The following UBASH3B variants were observed in gnomAD, a reference collection of about 807,000 sequenced individuals.
The protein encoded by UBASH3B is ubiquitin-associated and SH3 domain-containing protein B.
A neutral mutation model predicts 83.4 loss-of-function variants in UBASH3B; 37 were observed. That is an observed-to-expected ratio of 0.44 (90% CI 0.34 to 0.58). The LOEUF is 0.58. Ranked by LOEUF, UBASH3B falls within the 20% of genes least tolerant of loss-of-function variation. UBASH3B has a pLI of 0.01. For missense variants in UBASH3B, 657 were observed against 827.2 expected (o/e 0.79, Z 2.52); for synonymous variants, 304 against 318.3 (o/e 0.96, Z 0.48).
At chr11:122,675,591 A>G (rs778188551) in intron 1 of UBASH3B, among the ~76,000 whole-genome samples, 4 of 152,182 alleles carry the variant, frequency 2.6e-5, no homozygotes, top group Non-Finnish European at 2.9e-5. Context: ...GACTTTGGGT[A>G]AGACAGTTTA....
chr11:122,762,175 A>C (rs560223244), intron 1 of UBASH3B, among the ~76,000 whole-genome samples: 1 of 152,190 alleles, frequency 6.6e-6, no homozygotes, highest in East Asian at 1.9e-4. Context: ...TTCTGGAATC[A>C]CCGTGCCCCT....
intron 1 of UBASH3B, among the ~76,000 whole-genome samples, chr11:122,728,243 G>A (rs1894078): frequency 0.32 from 48,814 of 151,912 alleles, 8,999 homozygotes; most frequent in Middle Eastern, 0.48. Context: ...ATATTTAGCC[G>A]TCCACGTCAT....
At chr11:122,733,858 G>A (rs1894084) in intron 1 of UBASH3B, among the ~76,000 whole-genome samples, 53,275 of 151,960 alleles carry the variant, frequency 0.35, 9,672 homozygotes, top group East Asian at 0.53. Context: ...GCAGATTTGA[G>A]CAGTCAAAAT....
At chr11:122,809,611 G>T in intron 13 of UBASH3B, 138 bp from the exon 14 acceptor site, 1 of 793,808 alleles carries the variant, frequency 1.3e-6, no homozygotes, top group Non-Finnish European at 2.0e-6. Flanking sequence ...ATTTTTGAAG[G>T]GAATGCATTT....
At chr11:122,691,211 C>T (rs1010062398) in intron 1 of UBASH3B, among the ~76,000 whole-genome samples, 2 of 152,176 alleles carry the variant, frequency 1.3e-5, no homozygotes, top group African/African-American at 4.8e-5. Flanking sequence ...TGTGCCTTTG[C>T]CGGGCCTTTC....
chr11:122,690,180 AT>A (rs1863866540), intron 1 of UBASH3B, among the ~76,000 whole-genome samples: 1 of 29,848 alleles, frequency 3.4e-5, no homozygotes, highest in Non-Finnish European at 7.3e-5. Flanking sequence ...ATATATATAT[AT>A]ATATATATAT....
chr11:122,777,442 A>C (rs1860757924), intron 3 of UBASH3B, among the ~76,000 whole-genome samples: 1 of 152,226 alleles, frequency 6.6e-6, no homozygotes, highest in Non-Finnish European at 1.5e-5. Flanking sequence ...GGGCAGCACC[A>C]GATTGTAACC....
chr11:122,732,691 C>T (rs540115823), intron 1 of UBASH3B, among the ~76,000 whole-genome samples: 1 of 152,238 alleles, frequency 6.6e-6, no homozygotes, highest in Non-Finnish European at 1.5e-5. Flanking sequence ...ATCTTTCCAC[C>T]CCCAACAACC....
Position 122,806,326 on chromosome 11 carries a change from C to G in UBASH3B, c.1596-84C>G, listed in dbSNP as rs1463470853. The G allele has an allele frequency of 8.2e-7, 1 of 1,217,458 alleles. No homozygotes were observed. Among genetic ancestry groups the G allele is most frequent in the Non-Finnish European group, 1.2e-6 (1 of 857,908 alleles). 75.4% of individuals were successfully genotyped at this position (1,217,458 alleles called of 1,614,324 possible). On this transcript the variant is annotated intron_variant, in intron 11 of 13. Coordinates refer to ENST00000284273, the MANE Select transcript of UBASH3B (RefSeq NM_032873.5). This position sits in a 1 kb window ranked among gnomAD's most constrained non-coding sequence, Gnocchi z 4.0. ...AGATCTACGGGATCTTTAGAAATGC[C>G]TTGAAATAAAAGTTTAGAGTGATAT... is the stretch of plus-strand genomic sequence containing the variant.
chr11:122,669,995 T>C (rs1863572334), intron 1 of UBASH3B, among the ~76,000 whole-genome samples: 1 of 152,162 alleles, frequency 6.6e-6, no homozygotes, highest in East Asian at 1.9e-4. Flanking sequence ...AAATAAATGA[T>C]ATGAAGTCTC....
chr11:122,808,831 T>G (rs979364315), intron 13 of UBASH3B, among the ~76,000 whole-genome samples: 1 of 152,206 alleles, frequency 6.6e-6, no homozygotes, highest in African/African-American at 2.4e-5. Flanking sequence ...CTGTCCTCAT[T>G]TGTAAGTGCT....
intron 11 of UBASH3B, among the ~76,000 whole-genome samples, chr11:122,803,980 T>C (rs971242543): frequency 3.3e-5 from 5 of 151,964 alleles, no homozygotes; most frequent in African/African-American, 1.2e-4. Flanking sequence ...CTCCAGACAC[T>C]GGAGTCATTC....
At chr11:122,731,484 G>A (rs1860843068) in intron 1 of UBASH3B, among the ~76,000 whole-genome samples, 1 of 152,144 alleles carries the variant, frequency 6.6e-6, no homozygotes, top group African/African-American at 2.4e-5. Flanking sequence ...GTGAACATAA[G>A]CACTGCAATA....
chr11:122,721,528 G>T (rs2135944412), intron 1 of UBASH3B, among the ~76,000 whole-genome samples: 1 of 152,318 alleles, frequency 6.6e-6, no homozygotes, highest in African/African-American at 2.4e-5. Context: ...TTGCCTGAGA[G>T]TTCAGTAATT....
chr11:122,794,614 T>C, intron 6 of UBASH3B, 88 bp from the exon 7 acceptor site: 1 of 1,565,784 alleles, frequency 6.4e-7, no homozygotes, highest in Non-Finnish European at 8.7e-7. Context: ...GGGCTTTGAG[T>C]TAACTCCCAC....
At position 122,811,412 on chromosome 11, in the gene UBASH3B, T is replaced by G. The variant is rs1310886325; in HGVS notation, c.*1526T>G. On this transcript the variant is annotated 3_prime_UTR_variant, in exon 14 of 14. Transcript: ENST00000284273. ...ATACATCTATGCTTGCGTTTGAAACTACAACTTGATAACCCCTAGAAAGAA... is the reference window on the plus strand; with the variant it reads ...ATACATCTATGCTTGCGTTTGAAACGACAACTTGATAACCCCTAGAAAGAA... 2 of 152,238 alleles carry G rather than the reference T, an allele frequency of 1.3e-5. No individual in the cohort carries two copies. Among genetic ancestry groups the G allele is most frequent in the Non-Finnish European group, 2.9e-5 (2 of 68,038 alleles). The allele number at this position is 152,238 out of a possible 1,614,324, so 9.4% of individuals were successfully genotyped here.
intron 1 of UBASH3B, among the ~76,000 whole-genome samples, chr11:122,672,413 G>A (rs150504020): frequency 3.3e-4 from 50 of 151,972 alleles, no homozygotes; most frequent in Middle Eastern, 3.4e-3. Context: ...TTTGCCTCCC[G>A]GATTCAAGCG....
At chr11:122,762,555 G>T (rs1462311468) in intron 1 of UBASH3B, among the ~76,000 whole-genome samples, 1 of 152,200 alleles carries the variant, frequency 6.6e-6, no homozygotes, top group Admixed American at 6.5e-5. Flanking sequence ...CTCCACGCCT[G>T]CTGAGAGTTC....
At chr11:122,791,649 C>T (rs1182950820) in intron 6 of UBASH3B, among the ~76,000 whole-genome samples, 3 of 152,152 alleles carry the variant, frequency 2.0e-5, no homozygotes, top group African/African-American at 7.2e-5. Flanking sequence ...CAGACACAGA[C>T]CTTCTCTCTC....
Sources: allele counts gnomAD v4.1 joint callset (sites outside exome capture counted in the v4.1 genomes callset), GRCh38; gene constraint gnomAD v4.1.1; non-coding constraint Gnocchi (gnomAD v3.1); transcripts MANE v1.5; gene names NCBI Gene and HGNC (gene_info 2026-07-23, HGNC 2026-07-21).